Variants in ADAM32 observed in about 807,000 individuals in gnomAD.
ADAM32 encodes ADAM metallopeptidase domain 32.
ADAM32 carries 89 observed loss-of-function variants against 114.9 expected under a neutral mutation model. The observed-to-expected ratio is 0.77, with a 90% CI of 0.65 to 0.92. The LOEUF (loss-of-function observed/expected upper bound fraction) is 0.92. Among genes scored for constraint, ADAM32 ranks in the 40% least tolerant of loss-of-function variants. The pLI is 0.00. For missense variants in ADAM32, 870 were observed against 932.8 expected, an observed-to-expected ratio of 0.93 and a Z score of 0.88; for synonymous variants, 285 against 307.5, an observed-to-expected ratio of 0.93 and a Z score of 0.77.
At chr8:39,121,378 C>G (rs1253452615) in intron 2 of ADAM32, among the ~76,000 whole-genome samples, 1 of 152,002 alleles carries the variant, frequency 6.6e-6, no homozygotes, top group African/African-American at 2.4e-5. Flanking sequence ...CATGTTCTCA[C>G]TCATAAGTAG....
At chr8:39,123,804 T>A (rs1420059929) in intron 2 of ADAM32, among the ~76,000 whole-genome samples, 1 of 151,742 alleles carries the variant, frequency 6.6e-6, no homozygotes, top group Non-Finnish European at 1.5e-5. Flanking sequence ...CCTCCTGCGT[T>A]CAAGTGATTC....
chr8:39,258,374 T>C (rs1302953208), intron 19 of ADAM32, among the ~76,000 whole-genome samples: 1 of 140,330 alleles, frequency 7.1e-6, no homozygotes, highest in Non-Finnish European at 1.5e-5. Flanking sequence ...AGAAATACTT[T>C]AATAGCAAAA....
At chr8:39,200,691 C>T (rs889562870) in intron 11 of ADAM32, among the ~76,000 whole-genome samples, 5 of 152,176 alleles carry the variant, frequency 3.3e-5, no homozygotes, top group African/African-American at 1.2e-4. Flanking sequence ...GACATGAAGT[C>T]CTTGCACATG....
At chr8:39,141,059 C>A (rs1228951802) in intron 3 of ADAM32, among the ~76,000 whole-genome samples, 1 of 151,976 alleles carries the variant, frequency 6.6e-6, no homozygotes, top group Non-Finnish European at 1.5e-5. Flanking sequence ...TTTTTTATTG[C>A]ATCTATTTGA....
At chr8:39,160,123 G>C (rs1313450370) in intron 6 of ADAM32, among the ~76,000 whole-genome samples, 1 of 152,116 alleles carries the variant, frequency 6.6e-6, no homozygotes, top group African/African-American at 2.4e-5. Context: ...GCTCAAGATT[G>C]GCAAAACAAC....
At chr8:39,283,663 G>C in intron 24 of ADAM32, 39 bp downstream of exon 24, 1 of 1,503,906 alleles carries the variant, frequency 6.6e-7, no homozygotes, top group Non-Finnish European at 9.1e-7. Flanking sequence ...ATAAATACAT[G>C]TATAAAATTA....
intron 20 of ADAM32, among the ~76,000 whole-genome samples, chr8:39,272,409 C>T (rs573705773): frequency 3.3e-5 from 5 of 152,122 alleles, no homozygotes; most frequent in South Asian, 2.1e-4. Context: ...TGTTATTGTG[C>T]GAACATCACA....
intron 19 of ADAM32, 46 bp downstream of exon 19, chr8:39,257,389 A>C: frequency 6.2e-7 from 1 of 1,601,042 alleles, no homozygotes; most frequent in Non-Finnish European, 8.5e-7. Context: ...TACCATTTGA[A>C]TCTAGTTATA....
At chr8:39,146,020 C>T (rs1313458946) in intron 3 of ADAM32, among the ~76,000 whole-genome samples, 2 of 152,138 alleles carry the variant, frequency 1.3e-5, no homozygotes, top group African/African-American at 2.4e-5. Flanking sequence ...GAGTGAGCCA[C>T]CCCGCCTGGC....
chr8:39,161,802 G>A (rs1205612526), intron 7 of ADAM32, among the ~76,000 whole-genome samples: 1 of 151,958 alleles, frequency 6.6e-6, no homozygotes, highest in Non-Finnish European at 1.5e-5. Flanking sequence ...ACAGGGAAAA[G>A]GGAAAAGGGA....
At chr8:39,193,118 T>C (rs1337195227) in intron 11 of ADAM32, among the ~76,000 whole-genome samples, 1 of 152,204 alleles carries the variant, frequency 6.6e-6, no homozygotes. Context: ...ATTCTCCCCA[T>C]ATCTTTCAGG....
At chr8:39,260,823 G>C (rs1007650376) in intron 19 of ADAM32, among the ~76,000 whole-genome samples, 14 of 152,028 alleles carry the variant, frequency 9.2e-5, no homozygotes, top group Non-Finnish European at 2.9e-5. Context: ...AGAAGGATTA[G>C]TATTAATTCT....
chr8:39,179,477 G>A (rs139020461), intron 10 of ADAM32, among the ~76,000 whole-genome samples: 108 of 152,268 alleles, frequency 7.1e-4, no homozygotes, highest in African/African-American at 2.5e-3. Context: ...GAATTCCTGG[G>A]GCTAGGGTAT....
chr8:39,229,010 G>A (rs540002319), intron 14 of ADAM32, among the ~76,000 whole-genome samples: 18 of 152,274 alleles, frequency 1.2e-4, no homozygotes, highest in East Asian at 5.8e-4. Flanking sequence ...AAGCTAGAAG[G>A]GACTGGGGCC....
intron 3 of ADAM32, among the ~76,000 whole-genome samples, chr8:39,144,348 A>T (rs1803365714): frequency 6.6e-6 from 1 of 152,244 alleles, no homozygotes; most frequent in Non-Finnish European, 1.5e-5. Context: ...CTATTCAGCC[A>T]TCTTGGAAGC....
intron 11 of ADAM32, among the ~76,000 whole-genome samples, chr8:39,203,777 T>A (rs1807609482): frequency 2.0e-5 from 3 of 152,236 alleles, no homozygotes; most frequent in Admixed American, 6.5e-5. Flanking sequence ...TACTGATTGT[T>A]CCTTTCCATG....
chr8:39,176,641 G>A (rs115439610), intron 10 of ADAM32, among the ~76,000 whole-genome samples: 2 of 152,092 alleles, frequency 1.3e-5, no homozygotes, highest in African/African-American at 2.4e-5. Flanking sequence ...ACTGTGTGGC[G>A]ATGAGAAGAA....
chr8:39,282,710 A>C (rs573817635), intron 23 of ADAM32, among the ~76,000 whole-genome samples: 3 of 152,310 alleles, frequency 2.0e-5, no homozygotes, highest in South Asian at 4.1e-4. Context: ...GCCGTTGGGA[A>C]GCCAGTGGGA....
chr8:39,216,881 G>A (rs1033996220), intron 12 of ADAM32, among the ~76,000 whole-genome samples: 2 of 151,950 alleles, frequency 1.3e-5, no homozygotes, highest in Non-Finnish European at 1.5e-5. Context: ...GTAGTTTTAT[G>A]CACCCCAGTT....
Sources: gnomAD v4.1 joint callset for allele counts (sites outside exome capture counted in the v4.1 genomes callset) on GRCh38, gnomAD v4.1.1 for gene constraint, MANE v1.5 for transcripts, NCBI Gene and HGNC (gene_info 2026-07-23, HGNC 2026-07-21) for gene names.